SETD7: variants seen among roughly 807,000 people sequenced by gnomAD.
The protein encoded by SETD7 is histone-lysine N-methyltransferase SETD7.
Under a neutral mutation model 41.8 loss-of-function variants are expected in SETD7, and 16 were observed. The ratio of observed to expected loss-of-function variants is 0.38; its 90% CI spans 0.26 to 0.58. The LOEUF (loss-of-function observed/expected upper bound fraction) is 0.58, where lower values mean the gene tolerates loss of function less well. SETD7 is among the 20% of genes least tolerant of loss of function. The pLI is 0.64. For synonymous variants in SETD7, 163 were observed against 169.7 expected (o/e 0.96, Z 0.31); for missense variants, 346 against 459.7 (o/e 0.75, Z 2.26).
intron 1 of SETD7, among the ~76,000 whole-genome samples, chr4:139,554,197 A>G (rs2111182586): frequency 6.6e-6 from 1 of 152,326 alleles, no homozygotes; most frequent in Non-Finnish European, 1.5e-5. Flanking sequence ...TTTGGACAAT[A>G]ATGTACATAA....
chr4:139,498,537 T>C (rs1397528086), intron 7 of SETD7, among the ~76,000 whole-genome samples: 5 of 152,230 alleles, frequency 3.3e-5, no homozygotes, highest in African/African-American at 4.8e-5. Context: ...TGCTTCCCCA[T>C]GTGGCCCCTG....
chr4:139,551,444 AT>A (rs1310562261), intron 1 of SETD7, among the ~76,000 whole-genome samples: 1 of 152,240 alleles, frequency 6.6e-6, no homozygotes, highest in Non-Finnish European at 1.5e-5. Flanking sequence ...ACTTTATTCT[AT>A]GGTCATTATC....
At chr4:139,554,473 G>A (rs982761565) in intron 1 of SETD7, among the ~76,000 whole-genome samples, 1 of 152,182 alleles carries the variant, frequency 6.6e-6, no homozygotes, top group Non-Finnish European at 1.5e-5. Context: ...AAGAGAGCAA[G>A]CCCTAACAAT....
intron 1 of SETD7, among the ~76,000 whole-genome samples, chr4:139,552,427 G>A (rs999376952): frequency 6.6e-6 from 1 of 151,948 alleles, no homozygotes; most frequent in African/African-American, 2.4e-5. Flanking sequence ...TGTGCATCTG[G>A]ACCACTGCAA....
At position 139,517,475 on chromosome 4, in the gene SETD7, C is replaced by CAA. The variant is rs56132171; in HGVS notation, c.920+408_920+409dup. 2.0e-3 allele frequency among the ~76,000 whole-genome samples: 265 copies of CAA among 134,018 alleles called. 8 individuals are homozygous for CAA. The highest frequency in any genetic ancestry group is 7.8e-3 in the African/African-American group (249 of 31,750). 87.9% of individuals were successfully genotyped at this position (134,018 alleles called of 152,430 possible). On this transcript the variant is annotated intron_variant, in intron 7 of 7. Coordinates refer to ENST00000274031, the MANE Select transcript of SETD7 (RefSeq NM_030648.4). ...GGGCATCAAGAAGGAAAATCCATCTCAAAAAAAAAAAAAAAAAAAAAAAAA... is the reference window on the plus strand; with the variant it reads ...GGGCATCAAGAAGGAAAATCCATCTCAAAAAAAAAAAAAAAAAAAAAAAAAAA...
In SETD7 at chr4:139,509,078, G is replaced by A. The variant is rs1381456638; in HGVS notation, c.*2585C>T. ...GCAGAGTCCCAAAGACATGCACAGA[G>A]CCAGAGAGACTCAAGAAAGGTCAGT... is the stretch of plus-strand genomic sequence containing the variant. On this transcript the variant is annotated 3_prime_UTR_variant, in exon 8 of 8. Coordinates refer to ENST00000274031, the MANE Select transcript of SETD7 (RefSeq NM_030648.4). 6.6e-6 allele frequency: 1 copy of A among 152,516 alleles called. No individual in the cohort carries two copies. Among genetic ancestry groups the A allele is most frequent in the Admixed American group, 6.5e-5 (1 of 15,276 alleles). The allele number at this position is 152,516 out of a possible 1,614,324, so 9.4% of individuals were successfully genotyped here. A position where few individuals can be genotyped will look rare whatever the true frequency, so the allele number is the denominator to read the frequency against.
Position 139,523,350 on chromosome 4 carries a change from T to A in SETD7, c.644+4A>T, listed in dbSNP as rs1003989800. ...TGCAATTAAAACCCCAAGGAGGAAA[T>A]TACCTTTCTGATTCATAAGGATCTG... is the stretch of plus-strand genomic sequence containing the variant. On this transcript the variant is annotated splice_donor_region_variant and intron_variant, in intron 5 of 7. Transcript: ENST00000274031. The A allele has an allele frequency of 6.2e-7, 1 of 1,605,842 alleles. No homozygotes were observed. Among genetic ancestry groups the A allele is most frequent in the Non-Finnish European group, 8.5e-7 (1 of 1,172,664 alleles).
At chr4:139,535,709 G>A (rs1360125984) in intron 2 of SETD7, among the ~76,000 whole-genome samples, 1 of 152,038 alleles carries the variant, frequency 6.6e-6, no homozygotes, top group East Asian at 1.9e-4. Context: ...GTACACAAAT[G>A]CAAACTCTTA....
At chr4:139,526,840 C>G (rs1349016186) in intron 4 of SETD7, among the ~76,000 whole-genome samples, 1 of 152,216 alleles carries the variant, frequency 6.6e-6, no homozygotes, top group Admixed American at 6.5e-5. Context: ...TCCCTTGTTT[C>G]GAGCCTCCTC....
chr4:139,542,179 A>G (rs556789534), intron 2 of SETD7, among the ~76,000 whole-genome samples: 2 of 152,362 alleles, frequency 1.3e-5, no homozygotes, highest in South Asian at 4.1e-4. Flanking sequence ...TATGTGGGGA[A>G]TCTGAAAAAG....
Position 139,511,620 on chromosome 4 carries a change from C to A in SETD7, c.*43G>T. ...TGTCAGATAAACGTAGTGCATAGATCCAAGTTTCTATTCCAGGTCTCTGAA... is the reference window on the plus strand; with the variant it reads ...TGTCAGATAAACGTAGTGCATAGATACAAGTTTCTATTCCAGGTCTCTGAA... On this transcript the variant is annotated 3_prime_UTR_variant, in exon 8 of 8. Coordinates refer to ENST00000274031, the MANE Select transcript of SETD7 (RefSeq NM_030648.4). 2 of 1,612,134 alleles carry A rather than the reference C, an allele frequency of 1.2e-6. No homozygotes were observed. The highest frequency in any genetic ancestry group is 1.7e-6 in the Non-Finnish European group (2 of 1,179,658).
At chr4:139,526,436 AT>A (rs11353890) in intron 4 of SETD7, among the ~76,000 whole-genome samples, 76,172 of 122,502 alleles carry the variant, frequency 0.62, 21,967 homozygotes, top group Admixed American at 0.71. Flanking sequence ...TGCCCAGCTA[AT>A]TTTTTTTTTT....
chr4:139,518,389 A>G (rs1407789728), intron 6 of SETD7, among the ~76,000 whole-genome samples: 3 of 152,214 alleles, frequency 2.0e-5, no homozygotes, highest in Admixed American at 6.5e-5. Context: ...TTGGCCTCCC[A>G]AAGTGTTGGG....
At chr4:139,535,504 T>C (rs1727613452) in intron 2 of SETD7, among the ~76,000 whole-genome samples, 2 of 152,272 alleles carry the variant, frequency 1.3e-5, no homozygotes, top group South Asian at 4.1e-4. Flanking sequence ...TCTGCCAATA[T>C]TTCTCAGGGT....
chr4:139,530,356 C>CTTTTTTTTTTTT (rs70943427), intron 3 of SETD7, among the ~76,000 whole-genome samples: 2 of 126,936 alleles, frequency 1.6e-5, no homozygotes, highest in African/African-American at 2.9e-5. Context: ...CAAATGCTGC[C>CTTTTTTTTTTTT]TTTTTTTTTT....
intron 2 of SETD7, among the ~76,000 whole-genome samples, chr4:139,544,499 G>A (rs1204386267): frequency 6.6e-6 from 1 of 152,160 alleles, no homozygotes; most frequent in African/African-American, 2.4e-5. Flanking sequence ...ACTGGGGTAA[G>A]CGGATGAAGC....
At chr4:139,494,511 A>G (rs1425024357), downstream of SETD7, among the ~76,000 whole-genome samples, 2 of 152,200 alleles carry the variant, frequency 1.3e-5, no homozygotes, top group Non-Finnish European at 2.9e-5. Context: ...AAATCAATAA[A>G]CAGTGTCTTT....
At chr4:139,504,189 A>T (rs912477863), downstream of SETD7, among the ~76,000 whole-genome samples, 2 of 152,240 alleles carry the variant, frequency 1.3e-5, no homozygotes, top group African/African-American at 4.8e-5. Flanking sequence ...AAGCATTCTG[A>T]TACTTACAGA....
chr4:139,541,521 T>C (rs1579220986), intron 2 of SETD7, among the ~76,000 whole-genome samples: 1 of 152,352 alleles, frequency 6.6e-6, no homozygotes, highest in East Asian at 1.9e-4. Flanking sequence ...GCTGCATCAA[T>C]TCCTTTATCT....
Sources: gnomAD v4.1 joint callset for allele counts (sites outside exome capture counted in the v4.1 genomes callset) on GRCh38, gnomAD v4.1.1 for gene constraint, MANE v1.5 for transcripts, NCBI Gene and HGNC (gene_info 2026-07-23, HGNC 2026-07-21) for gene names.